PARD3B: variants seen among roughly 807,000 people sequenced by gnomAD.
The protein encoded by PARD3B is partitioning defective 3 homolog B.
In PARD3B, 103 loss-of-function variants were observed where a neutral mutation model predicts 130.2. The ratio of observed to expected loss-of-function variants is 0.79; its 90% CI spans 0.67 to 0.93. PARD3B has a LOEUF of 0.93. PARD3B is among the 40% of genes least tolerant of loss of function. PARD3B has a pLI of 0.00. For synonymous variants in PARD3B, 583 were observed against 553.2 expected (o/e 1.05, Z -0.76); for missense variants, 1,609 against 1,499.2 (o/e 1.07, Z -1.21).
chr2:205,006,025 ATAGCT>A (rs1357674936), intron 3 of PARD3B, among the ~76,000 whole-genome samples: 1 of 152,186 alleles, frequency 6.6e-6, no homozygotes, highest in Non-Finnish European at 1.5e-5. Flanking sequence ...TTGCATCGTC[ATAGCT>A]TAGCTCCCAT....
intron 2 of PARD3B, among the ~76,000 whole-genome samples, chr2:204,786,755 C>A (rs1324555922): frequency 1.3e-5 from 2 of 151,314 alleles, no homozygotes; most frequent in Middle Eastern, 3.4e-3. Flanking sequence ...AGAGTCATTT[C>A]AGAGATGGTG....
chr2:205,017,422 G>A (rs1696231840), intron 3 of PARD3B, among the ~76,000 whole-genome samples: 1 of 152,014 alleles, frequency 6.6e-6, no homozygotes, highest in Non-Finnish European at 1.5e-5. Context: ...TCCTTTTCTG[G>A]TCGAGGACAT....
At chr2:205,537,626 CA>C (rs1326862873) in intron 21 of PARD3B, among the ~76,000 whole-genome samples, 2 of 152,114 alleles carry the variant, frequency 1.3e-5, no homozygotes, top group African/African-American at 4.8e-5. Flanking sequence ...GGACCGATAG[CA>C]AAATGGCTGA....
rs144962356 is a variant in PARD3B, at chr2:205,473,854, C to T, written c.3045-26042C>T. ...CTTTTCTTTGTTACGTTTAAATGAA[C>T]TTCACCCTGAGCTACCAAATTATAC... On this transcript the variant is annotated intron_variant, in intron 20 of 22. Coordinates refer to ENST00000406610, the MANE Select transcript of PARD3B (RefSeq NM_001302769.2). The surrounding 1 kb of genome is among the most constrained non-coding windows in gnomAD (Gnocchi z 4.9). Among the ~76,000 whole-genome samples the T allele has an allele frequency of 1.3e-3, 203 of 151,008 alleles. No individual in the cohort carries two copies. The highest frequency in any genetic ancestry group is 4.8e-3 in the African/African-American group (196 of 41,252).
chr2:204,939,691 G>A (rs879502799), intron 2 of PARD3B, among the ~76,000 whole-genome samples: 5 of 152,060 alleles, frequency 3.3e-5, no homozygotes, highest in African/African-American at 1.2e-4. Context: ...CAACAAAGAG[G>A]GGTATTATAA....
At chr2:205,266,091 C>T (rs1257770101) in intron 16 of PARD3B, among the ~76,000 whole-genome samples, 4 of 151,990 alleles carry the variant, frequency 2.6e-5, no homozygotes, top group Admixed American at 2.6e-4. Flanking sequence ...TTGTTCTTTG[C>T]CTTTTAGACT....
In PARD3B at chr2:205,341,580, T is replaced by C. The variant is rs1328732362; in HGVS notation, c.2630+39879T>C. Among the ~76,000 whole-genome samples, 1 of 152,034 alleles carries C rather than the reference T, an allele frequency of 6.6e-6. No homozygotes were observed. The highest frequency in any genetic ancestry group is 1.9e-4 in the East Asian group (1 of 5,194). On this transcript the variant is annotated intron_variant, in intron 18 of 22. Coordinates refer to ENST00000406610, the MANE Select transcript of PARD3B (RefSeq NM_001302769.2). The surrounding 1 kb of genome is among the most constrained non-coding windows in gnomAD (Gnocchi z 4.3). ...AAAGTAGAGACCAGAATTGTGGCTATTAGAGGCTGGGAAGCATGGGGGAAG... is the reference window on the plus strand; with the variant it reads ...AAAGTAGAGACCAGAATTGTGGCTACTAGAGGCTGGGAAGCATGGGGGAAG...
chr2:205,061,025 G>A (rs967041406), intron 4 of PARD3B, among the ~76,000 whole-genome samples: 3 of 152,086 alleles, frequency 2.0e-5, no homozygotes, highest in African/African-American at 4.8e-5. Context: ...ATCGGATATC[G>A]TTATTATGAA....
chr2:204,692,918 G>C (rs1284191514), intron 2 of PARD3B, among the ~76,000 whole-genome samples: 1 of 152,034 alleles, frequency 6.6e-6, no homozygotes, highest in African/African-American at 2.4e-5. Context: ...CCCAGGAAGA[G>C]GTTATAGAAC....
chr2:205,585,071 A>G lies in PARD3B; in HGVS notation c.3261-30385A>G, dbSNP rs910373414. ...ATGGGCAGAAAATGGCACCAACCAAAATGGAGGCCTGGATAGTGGAGGCGT... is the reference window on the plus strand; with the variant it reads ...ATGGGCAGAAAATGGCACCAACCAAGATGGAGGCCTGGATAGTGGAGGCGT... On this transcript the variant is annotated intron_variant, in intron 22 of 22. Coordinates refer to ENST00000406610, the MANE Select transcript of PARD3B (RefSeq NM_001302769.2). This position sits in a 1 kb window ranked among gnomAD's most constrained non-coding sequence, Gnocchi z 5.4. Among the ~76,000 whole-genome samples the G allele has an allele frequency of 2.6e-5, 4 of 152,104 alleles. No individual in the cohort carries two copies. Among genetic ancestry groups the G allele is most frequent in the African/African-American group, 9.7e-5 (4 of 41,416 alleles).
In PARD3B at chr2:205,593,068, TG is replaced by T. The variant is rs556935784; in HGVS notation, c.3261-22385del. Among the ~76,000 whole-genome samples the T allele has an allele frequency of 2.0e-3, 300 of 152,372 alleles. 1 individual carries two copies. Among genetic ancestry groups the T allele is most frequent in the African/African-American group, 6.8e-3 (281 of 41,590 alleles). The stretch of plus-strand genomic sequence containing the variant: ...CCAACCAAGGAGTAAGATGGCCCTC[TG>T]GGTCAGAGTAACATTAGAAGTTTTG... On this transcript the variant is annotated intron_variant, in intron 22 of 22. Coordinates refer to ENST00000406610, the MANE Select transcript of PARD3B (RefSeq NM_001302769.2).
chr2:205,063,790 G>A (rs930089264), intron 4 of PARD3B, among the ~76,000 whole-genome samples: 2 of 152,130 alleles, frequency 1.3e-5, no homozygotes, highest in Non-Finnish European at 1.5e-5. Context: ...TTGGATAAGG[G>A]AATAGAACAT....
intron 20 of PARD3B, among the ~76,000 whole-genome samples, chr2:205,472,593 C>T (rs1047297970): frequency 6.6e-6 from 1 of 152,112 alleles, no homozygotes; most frequent in Non-Finnish European, 1.5e-5. Flanking sequence ...AAGACTTCTC[C>T]TCTTAAATTC....
In PARD3B at chr2:205,301,546, G is replaced by T; in HGVS notation, c.2475G>T (p.Glu825Asp). 6.2e-7 allele frequency: 1 copy of T among 1,613,762 alleles called. No individual in the cohort carries two copies. The highest frequency in any genetic ancestry group is 8.5e-7 in the Non-Finnish European group (1 of 1,179,988). Residue 825 changes from glutamate (E) to aspartate (D), a missense_variant, in exon 18 of 23, where the codon GAG (glutamate) becomes GAT (aspartate). Coordinates refer to ENST00000406610, the MANE Select transcript of PARD3B (RefSeq NM_001302769.2). This position sits in a 1 kb window ranked among gnomAD's most constrained non-coding sequence, Gnocchi z 5.2. The part of the protein sequence containing the change: ...ESAPQGNSEL[E>D]DMENKARKVK... The stretch of plus-strand genomic sequence containing the variant: ...CCCCTCAGGGGAATTCGGAGCTAGA[G>T]GACATGGAAAATAAAGCCAGGAAAG...
At chr2:204,561,154 A>T (rs1287462239) in intron 1 of PARD3B, among the ~76,000 whole-genome samples, 1 of 152,156 alleles carries the variant, frequency 6.6e-6, no homozygotes, top group African/African-American at 2.4e-5. Flanking sequence ...GGCCTGGAGC[A>T]ATCAGAAATC....
chr2:204,821,906 C>A (rs368343024), intron 2 of PARD3B, among the ~76,000 whole-genome samples: 4 of 151,904 alleles, frequency 2.6e-5, no homozygotes, highest in African/African-American at 7.3e-5. Flanking sequence ...TCTTTATCAG[C>A]AGCGTGAAAA....
In PARD3B at chr2:205,193,249, A is replaced by T; in HGVS notation, c.2069A>T (p.Asn690Ile). Residue 690 changes from asparagine to isoleucine, a missense_variant, in exon 15 of 23, where the codon AAC becomes ATC. Coordinates refer to ENST00000406610, the MANE Select transcript of PARD3B (RefSeq NM_001302769.2). ...GTATATTTTCCAGATCAGCACATCA[A>T]CTTCAGATCTGTGACACCGGCCAGG... ...SAVYFPDQHI[N>I]FRSVTPARQP... The T allele has an allele frequency of 1.9e-6, 3 of 1,613,658 alleles. No individual in the cohort carries two copies.
At chr2:205,110,882 C>T (rs1703598116) in intron 5 of PARD3B, among the ~76,000 whole-genome samples, 1 of 152,080 alleles carries the variant, frequency 6.6e-6, no homozygotes, top group African/African-American at 2.4e-5. Context: ...TGTAAAATCT[C>T]ACTTTATGAG....
chr2:205,094,904 C>G (rs1265131559), intron 4 of PARD3B, among the ~76,000 whole-genome samples: 2 of 152,096 alleles, frequency 1.3e-5, no homozygotes, highest in African/African-American at 4.8e-5. Context: ...GCTGAATTAT[C>G]CCAACTTCCT....
Sources: gnomAD v4.1 joint callset for allele counts (sites outside exome capture counted in the v4.1 genomes callset) on GRCh38, gnomAD v4.1.1 for gene constraint, Gnocchi (gnomAD v3.1) non-coding constraint, MANE v1.5 for transcripts, NCBI Gene and HGNC (gene_info 2026-07-23, HGNC 2026-07-21) for gene names.